The following TEX36 variants were observed in gnomAD, a reference collection of about 807,000 sequenced individuals.
TEX36 encodes the protein testis expressed 36.
TEX36 carries 12 observed loss-of-function variants against 13.6 expected under a neutral mutation model. The ratio of observed to expected loss-of-function variants is 0.88; its 90% CI spans 0.56 to 1.43. The LOEUF (loss-of-function observed/expected upper bound fraction) is 1.43. Among genes scored for constraint, TEX36 ranks in the 40% most tolerant of loss-of-function variants. TEX36 has a pLI of 0.00. For missense variants in TEX36, 224 were observed against 228.3 expected (o/e 0.98, Z 0.12); for synonymous variants, 93 against 83.0 (o/e 1.12, Z -0.65).
At chr10:125,613,271 TTA>T (rs373372663) in intron 3 of TEX36, among the ~76,000 whole-genome samples, 2 of 137,560 alleles carry the variant, frequency 1.5e-5, no homozygotes, top group East Asian at 2.0e-4. Flanking sequence ...ATTTATTTAT[TTA>T]TTTATTTATT....
chr10:125,663,736 G>C (rs1260931501), intron 1 of TEX36, among the ~76,000 whole-genome samples: 1 of 151,820 alleles, frequency 6.6e-6, no homozygotes, highest in Admixed American at 6.6e-5. Context: ...GTACATAGTA[G>C]CTGTATATAT....
At chr10:125,623,852 T>C (rs1846454753) in intron 3 of TEX36, among the ~76,000 whole-genome samples, 1 of 152,236 alleles carries the variant, frequency 6.6e-6, no homozygotes, top group South Asian at 2.1e-4. Context: ...GCAGTTTGAA[T>C]CTATAAATAA....
intron 3 of TEX36, among the ~76,000 whole-genome samples, chr10:125,584,685 C>T (rs1224650042): frequency 6.6e-6 from 1 of 152,172 alleles, no homozygotes; most frequent in Non-Finnish European, 1.5e-5. Flanking sequence ...CTCTCTCTCT[C>T]CTCCTCCTCT....
chr10:125,654,906 A>C (rs556091958), downstream of TEX36, among the ~76,000 whole-genome samples: 3 of 152,330 alleles, frequency 2.0e-5, no homozygotes. Flanking sequence ...CTAACAAAGC[A>C]ACTTTTCAGA....
intron 3 of TEX36, among the ~76,000 whole-genome samples, chr10:125,657,842 C>T (rs1846972761): frequency 6.6e-6 from 1 of 152,126 alleles, no homozygotes; most frequent in Admixed American, 6.5e-5. Context: ...GAAGACTTAC[C>T]TTATTCTTGG....
In TEX36 at chr10:125,667,565, T is replaced by A. The variant is rs1266687466; in HGVS notation, c.52-5588A>T. On this transcript the variant is annotated intron_variant, in intron 1 of 3. Coordinates refer to ENST00000368821, the MANE Select transcript of TEX36 (RefSeq NM_001128202.3). Reference sequence around the variant, plus strand: ...CTGGGCACAGCACTCAGACAGCCCATACAACCCTTGGGTGGTGGTCTCGCC... The same window carrying A: ...CTGGGCACAGCACTCAGACAGCCCAAACAACCCTTGGGTGGTGGTCTCGCC... 3 of 738,606 alleles carry A rather than the reference T, an allele frequency of 4.1e-6. No homozygotes were observed. The African/African-American group carries it at 5.2e-5, about 13-fold the overall frequency. The allele number at this position is 738,606 out of a possible 1,614,324, so 45.8% of individuals were successfully genotyped here.
At chr10:125,622,566 T>C (rs548376777) in intron 3 of TEX36, among the ~76,000 whole-genome samples, 3 of 152,368 alleles carry the variant, frequency 2.0e-5, no homozygotes, top group Admixed American at 6.5e-5. Flanking sequence ...CCTGAAAGTC[T>C]GGGTCATTTG....
intron 3 of TEX36, among the ~76,000 whole-genome samples, chr10:125,627,064 T>C (rs186283589): frequency 6.6e-5 from 10 of 152,334 alleles, no homozygotes; most frequent in African/African-American, 2.4e-4. Flanking sequence ...TTAATTTAAA[T>C]CCTTCTTTGC....
chr10:125,633,951 C>T (rs1004212418), intron 3 of TEX36, among the ~76,000 whole-genome samples: 5 of 152,178 alleles, frequency 3.3e-5, no homozygotes, highest in African/African-American at 9.6e-5. Context: ...CTTTAGTACC[C>T]ACCCCTCTGC....
At chr10:125,626,829 T>A (rs2133564405) in intron 3 of TEX36, among the ~76,000 whole-genome samples, 1 of 152,258 alleles carries the variant, frequency 6.6e-6, no homozygotes, top group South Asian at 2.1e-4. Context: ...ACTCAGAGGT[T>A]TCTATTGGTC....
intron 3 of TEX36, among the ~76,000 whole-genome samples, chr10:125,608,868 C>T (rs764063077): frequency 1.4e-4 from 21 of 150,970 alleles, no homozygotes; most frequent in Non-Finnish European, 2.7e-4. Context: ...GGCGCGGTGG[C>T]TAACACCTGT....
Position 125,591,073 on chromosome 10 carries a change from G to A in TEX36, c.265-14199C>T, listed in dbSNP as rs74162827. ...ACAGCCCAGTGATGAGGGTGGATCT[G>A]AGCTCCCTCCCTTCCACCAAGCTGT... On this transcript the variant is annotated intron_variant, in intron 3 of 3. Transcript: ENST00000532135. Among the ~76,000 whole-genome samples, 1,161 of 152,274 alleles carry A rather than the reference G, an allele frequency of 7.6e-3. 16 individuals carry two copies. The highest frequency in any genetic ancestry group is 0.027 in the African/African-American group (1,122 of 41,554).
chr10:125,603,245 C>T (rs896958223), intron 3 of TEX36, among the ~76,000 whole-genome samples: 23 of 152,192 alleles, frequency 1.5e-4, no homozygotes, highest in Non-Finnish European at 2.5e-4. Context: ...GGGATGGTTC[C>T]CTTACCAGAT....
chr10:125,674,788 G>T (rs1356360418), intron 1 of TEX36, among the ~76,000 whole-genome samples: 1 of 152,210 alleles, frequency 6.6e-6, no homozygotes, highest in Non-Finnish European at 1.5e-5. Flanking sequence ...AGCAAAGGTG[G>T]CAGCCTGCTC....
At chr10:125,581,124 G>A (rs1164784717) in intron 3 of TEX36, among the ~76,000 whole-genome samples, 1 of 152,088 alleles carries the variant, frequency 6.6e-6, no homozygotes, top group African/African-American at 2.4e-5. Context: ...CCCATCTCAA[G>A]TCCCCACATG....
chr10:125,646,070 G>A (rs559147120), intron 3 of TEX36, among the ~76,000 whole-genome samples: 34 of 152,280 alleles, frequency 2.2e-4, no homozygotes, highest in African/African-American at 6.7e-4. Context: ...GGCTCACACC[G>A]ATAATCCCAG....
chr10:125,642,033 G>A (rs1222519283), intron 3 of TEX36, among the ~76,000 whole-genome samples: 1 of 152,142 alleles, frequency 6.6e-6, no homozygotes, highest in Admixed American at 6.5e-5. Context: ...TGCAGATTTG[G>A]TTCTGTATGT....
chr10:125,674,456 G>A (rs969982541), intron 1 of TEX36, among the ~76,000 whole-genome samples: 30 of 152,168 alleles, frequency 2.0e-4, no homozygotes, highest in African/African-American at 7.2e-4. Flanking sequence ...CCAGTTCTGT[G>A]CCCTTGCTGG....
At chr10:125,618,854 C>T (rs1405759043), downstream of TEX36, among the ~76,000 whole-genome samples, 2 of 148,526 alleles carry the variant, frequency 1.3e-5, no homozygotes, top group African/African-American at 5.0e-5. Context: ...CGCCTGTAAT[C>T]CTAGCACTTT....
Sources: allele counts gnomAD v4.1 joint callset (sites outside exome capture counted in the v4.1 genomes callset), GRCh38; gene constraint gnomAD v4.1.1; transcripts MANE v1.5; gene names NCBI Gene and HGNC (gene_info 2026-07-23, HGNC 2026-07-21).